Variants in GABRB1 observed in about 807,000 individuals in gnomAD.
The protein encoded by GABRB1 is gamma-aminobutyric acid receptor subunit beta-1.
Under a neutral mutation model 51.6 loss-of-function variants are expected in GABRB1, and 17 were observed. The ratio of observed to expected loss-of-function variants is 0.33; its 90% CI spans 0.23 to 0.49. The LOEUF (loss-of-function observed/expected upper bound fraction) is 0.49, where lower values mean the gene tolerates loss of function less well. GABRB1 is among the 20% of genes least tolerant of loss of function. GABRB1 has a pLI of 0.99. For synonymous variants in GABRB1, 247 were observed against 218.9 expected, an observed-to-expected ratio of 1.13 and a Z score of -1.14; for missense variants, 410 against 600.6, an observed-to-expected ratio of 0.68 and a Z score of 3.32.
At chr4:47,351,871 C>T (rs1462949756) in intron 5 of GABRB1, among the ~76,000 whole-genome samples, 14 of 151,938 alleles carry the variant, frequency 9.2e-5, no homozygotes, top group East Asian at 1.9e-4. Flanking sequence ...AATAAACATA[C>T]GTGTGCATGT....
At chr4:47,031,853 T>C (rs1479531637) in intron 1 of GABRB1, 61 bp from the exon 2 acceptor site, 7 of 1,541,658 alleles carry the variant, frequency 4.5e-6, no homozygotes, top group Non-Finnish European at 6.3e-6. Context: ...TGCCTGTATC[T>C]TTTTATATGT....
chr4:47,358,371 A>ATG (rs1042762455), intron 5 of GABRB1, among the ~76,000 whole-genome samples: 4 of 151,232 alleles, frequency 2.6e-5, no homozygotes, highest in Admixed American at 6.6e-5. Flanking sequence ...GTGTATATAT[A>ATG]TGTGTGTGTG....
chr4:47,200,844 A>G (rs1274115435), intron 4 of GABRB1, among the ~76,000 whole-genome samples: 3 of 152,198 alleles, frequency 2.0e-5, no homozygotes, highest in African/African-American at 4.8e-5. Context: ...ACTCATTTGC[A>G]TAATATAGTG....
At chr4:47,198,167 G>A (rs16860047) in intron 4 of GABRB1, among the ~76,000 whole-genome samples, 10 of 152,302 alleles carry the variant, frequency 6.6e-5, no homozygotes, top group African/African-American at 2.2e-4. Context: ...CTAAGGCATA[G>A]TGGCAGGATG....
At chr4:47,413,487 A>AT (rs1369829252) in intron 8 of GABRB1, among the ~76,000 whole-genome samples, 2 of 152,340 alleles carry the variant, frequency 1.3e-5, no homozygotes, top group African/African-American at 4.8e-5. Context: ...ACTGTGTGGT[A>AT]TTTTAAATTG....
chr4:47,031,804 G>A, intron 1 of GABRB1, 73 bp downstream of exon 1: 1 of 1,512,336 alleles, frequency 6.6e-7, no homozygotes. Flanking sequence ...CTTTTTACGT[G>A]TCTGCTGGAT....
At chr4:47,123,871 AT>A (rs1338658359) in intron 3 of GABRB1, among the ~76,000 whole-genome samples, 1 of 85,196 alleles carries the variant, frequency 1.2e-5, no homozygotes, top group Non-Finnish European at 2.2e-5. Flanking sequence ...TATGATATAT[AT>A]CTTATATATA....
chr4:47,159,681 G>A (rs1170885468), intron 3 of GABRB1, among the ~76,000 whole-genome samples: 2 of 151,824 alleles, frequency 1.3e-5, no homozygotes, highest in African/African-American at 2.4e-5. Flanking sequence ...TCTTCAATAT[G>A]GTTAAAAGAC....
At chr4:47,166,208 A>G (rs576441785) in intron 4 of GABRB1, among the ~76,000 whole-genome samples, 2 of 152,246 alleles carry the variant, frequency 1.3e-5, no homozygotes, top group South Asian at 2.1e-4. Context: ...CATGGAATAT[A>G]CAGTTGACTC....
intron 4 of GABRB1, among the ~76,000 whole-genome samples, chr4:47,183,633 T>C (rs1008522741): frequency 2.6e-5 from 4 of 151,714 alleles, no homozygotes; most frequent in African/African-American, 4.8e-5. Flanking sequence ...CTTCTTTTCC[T>C]TCCCAATTGT....
chr4:47,128,179 G>C (rs1160077423), intron 3 of GABRB1, among the ~76,000 whole-genome samples: 2 of 151,752 alleles, frequency 1.3e-5, no homozygotes, highest in Non-Finnish European at 1.5e-5. Context: ...AGTTGAGGTA[G>C]TTATATCTTG....
intron 1 of GABRB1, among the ~76,000 whole-genome samples, chr4:47,019,544 T>A (rs1258211017): frequency 2.2e-5 from 3 of 139,472 alleles, no homozygotes; most frequent in Non-Finnish European, 4.6e-5. Context: ...GTCAGCAGGT[T>A]TAGTTTCTCT....
chr4:47,034,745 G>A (rs1281801546), intron 3 of GABRB1, among the ~76,000 whole-genome samples: 4 of 152,080 alleles, frequency 2.6e-5, no homozygotes, highest in African/African-American at 4.8e-5. Context: ...TGGAAATAAA[G>A]AGTAATGTTT....
intron 3 of GABRB1, among the ~76,000 whole-genome samples, chr4:47,053,957 T>C (rs1271822509): frequency 6.6e-6 from 1 of 152,206 alleles, no homozygotes; most frequent in Admixed American, 6.5e-5. Flanking sequence ...ACCTAAAGTC[T>C]AAACTCTTTA....
At chr4:47,160,193 C>T (rs1351812013) in intron 3 of GABRB1, among the ~76,000 whole-genome samples, 2 of 152,044 alleles carry the variant, frequency 1.3e-5, no homozygotes, top group South Asian at 2.1e-4. Context: ...AGAAAAAGTT[C>T]AGGGGGATAT....
chr4:47,035,998 C>T (rs1301943728), intron 3 of GABRB1, among the ~76,000 whole-genome samples: 2 of 152,190 alleles, frequency 1.3e-5, no homozygotes, highest in Middle Eastern at 3.4e-3. Flanking sequence ...AATGGCCACC[C>T]CTAGAAGACC....
At chr4:47,088,062 A>T (rs184917272) in intron 3 of GABRB1, among the ~76,000 whole-genome samples, 6 of 152,326 alleles carry the variant, frequency 3.9e-5, no homozygotes, top group African/African-American at 1.4e-4. Context: ...TATTGCTTTT[A>T]GAGGAAATCA....
upstream of GABRB1, among the ~76,000 whole-genome samples, chr4:47,027,009 C>T (rs182930962): frequency 3.5e-3 from 533 of 151,742 alleles, 5 homozygotes; most frequent in African/African-American, 0.012. Flanking sequence ...ATATCCCTAC[C>T]TCTTAAGATA....
intron 3 of GABRB1, among the ~76,000 whole-genome samples, chr4:47,123,705 A>AATAAT (rs1553917464): frequency 5.5e-4 from 9 of 16,370 alleles, no homozygotes; most frequent in East Asian, 8.5e-3. Context: ...TTATATATAT[A>AATAAT]ATATGATATA....
Sources: allele counts gnomAD v4.1 joint callset (sites outside exome capture counted in the v4.1 genomes callset), GRCh38; gene constraint gnomAD v4.1.1; transcripts MANE v1.5; gene names NCBI Gene and HGNC (gene_info 2026-07-23, HGNC 2026-07-21).